The following PGBD5 variants were observed in gnomAD, a reference collection of about 807,000 sequenced individuals.
The protein encoded by PGBD5 is piggyBac transposable element-derived protein 5.
PGBD5 carries 14 observed loss-of-function variants against 47.9 expected under a neutral mutation model. That is an observed-to-expected ratio of 0.29 (90% CI 0.19 to 0.46). The LOEUF is 0.46. Among genes scored for constraint, PGBD5 ranks in the 20% least tolerant of loss-of-function variants. The pLI is 1.00. For missense variants in PGBD5, 635 were observed against 716.0 expected (o/e 0.89, Z 1.29); for synonymous variants, 316 against 306.3 (o/e 1.03, Z -0.33).
At chr1:230,332,034 C>CCACACCCACCAT (rs1667227198) in intron 5 of PGBD5, among the ~76,000 whole-genome samples, 1 of 147,560 alleles carries the variant, frequency 6.8e-6, no homozygotes, top group Admixed American at 6.8e-5. Flanking sequence ...ACCACACACA[C>CCACACCCACCAT]ACCACACACA....
At position 230,323,179 on chromosome 1, in the gene PGBD5, G is replaced by C. The variant is rs1667062509; in HGVS notation, c.*246C>G. The C allele has an allele frequency of 2.0e-6, 1 of 509,190 alleles. No homozygotes were observed. 31.5% of individuals were successfully genotyped at this position (509,190 alleles called of 1,614,324 possible). On this transcript the variant is annotated 3_prime_UTR_variant, in exon 7 of 7. Transcript: ENST00000391860. The surrounding 1 kb of genome is among the most constrained non-coding windows in gnomAD (Gnocchi z 4.1). Reference sequence around the variant, plus strand: ...TGAGAGAATCTGCCCTTGAGAACGTGGGTGTAAGTGCTCATCACACCGGCG... The same window carrying C: ...TGAGAGAATCTGCCCTTGAGAACGTCGGTGTAAGTGCTCATCACACCGGCG...
At chr1:230,417,039 T>A (rs1657532919) in intron 1 of PGBD5, among the ~76,000 whole-genome samples, 1 of 152,210 alleles carries the variant, frequency 6.6e-6, no homozygotes, top group Admixed American at 6.5e-5. Context: ...TGAAAGTAAC[T>A]TCTTAAATAT....
rs186064561 is a variant in PGBD5 at position 230,374,019 on chromosome 1, T to C, written c.332-16698A>G. Among the ~76,000 whole-genome samples the C allele has an allele frequency of 1.6e-3, 243 of 152,164 alleles. 1 individual carries two copies. The highest frequency in any genetic ancestry group is 5.6e-3 in the African/African-American group (232 of 41,500). ...TATAACAGCAAAACAGGGCAGTAAA[T>C]GAAATGCCCACAAATTGAGAATGAA... On this transcript the variant is annotated intron_variant, in intron 1 of 6. Transcript: ENST00000391860.
chr1:230,316,435 A>G lies in PGBD5; in HGVS notation c.*6990T>C, dbSNP rs1666951624. 1 of 152,120 alleles carries G rather than the reference A, an allele frequency of 6.6e-6. No homozygotes were observed. The highest frequency in any genetic ancestry group is 1.5e-5 in the Non-Finnish European group (1 of 68,024). 9.4% of individuals were successfully genotyped at this position (152,120 alleles called of 1,614,324 possible). A position where few individuals can be genotyped will look rare whatever the true frequency, so the allele number is the denominator to read the frequency against. On this transcript the variant is annotated 3_prime_UTR_variant, in exon 7 of 7. Coordinates refer to ENST00000391860, the MANE Select transcript of PGBD5 (RefSeq NM_001258311.2). ...TGTTCTGGGCCCATCTTTCCAATCT[A>G]TTGAAATAATAGGGACTGCATCCCC...
At position 230,315,645 on chromosome 1, in the gene PGBD5, C is replaced by G. The variant is rs1016080241; in HGVS notation, c.*7780G>C. Reference sequence around the variant, plus strand: ...TGCTAAGGACCTAGCAGAGGCTCATCATGTGGTAGACTCTGTATTTTATCG... The same window carrying G: ...TGCTAAGGACCTAGCAGAGGCTCATGATGTGGTAGACTCTGTATTTTATCG... On this transcript the variant is annotated 3_prime_UTR_variant, in exon 7 of 7. Transcript: ENST00000391860. 5 of 151,698 alleles carry G rather than the reference C, an allele frequency of 3.3e-5. No homozygotes were observed. Among genetic ancestry groups the G allele is most frequent in the African/African-American group, 7.3e-5 (3 of 41,278 alleles). 9.4% of individuals were successfully genotyped at this position (151,698 alleles called of 1,614,324 possible). A position where few individuals can be genotyped will look rare whatever the true frequency, so the allele number is the denominator to read the frequency against.
Position 230,354,785 on chromosome 1 carries a change from C to T in PGBD5, c.759+2109G>A, listed in dbSNP as rs548307251. 5.9e-5 allele frequency among the ~76,000 whole-genome samples: 9 copies of T among 152,332 alleles called. No homozygotes were observed. In the South Asian group the frequency reaches 1.9e-3, roughly 32 times the overall value. ...TCTTCGGCTGCCCTGCTAGATGGAG[C>T]TCAGCATCTGTGTCCTGCTGGGATC... On this transcript the variant is annotated intron_variant, in intron 2 of 6. Transcript: ENST00000391860.
intron 1 of PGBD5, among the ~76,000 whole-genome samples, chr1:230,394,175 G>A (rs1186973638): frequency 6.6e-6 from 1 of 151,936 alleles, no homozygotes; most frequent in Non-Finnish European, 1.5e-5. Flanking sequence ...ACAGGGCCAG[G>A]GAGGGTGCTC....
intron 3 of PGBD5, among the ~76,000 whole-genome samples, chr1:230,348,687 A>G (rs1667511810): frequency 6.6e-6 from 1 of 152,254 alleles, no homozygotes; most frequent in African/African-American, 2.4e-5. Flanking sequence ...TCCCCGGGTC[A>G]TGTGGCTCCT....
rs893910899 is a variant in PGBD5 at position 230,321,598 on chromosome 1, C to G, written c.*1827G>C. Reference sequence around the variant, plus strand: ...GGATTACAGGCATGAGCCACCGCACCCCGCCTGTTCCCTGACCTTTTAAAC... The same window carrying G: ...GGATTACAGGCATGAGCCACCGCACGCCGCCTGTTCCCTGACCTTTTAAAC... On this transcript the variant is annotated 3_prime_UTR_variant, in exon 7 of 7. Transcript: ENST00000391860. 6.6e-6 allele frequency: 1 copy of G among 152,300 alleles called. No homozygotes were observed. The highest frequency in any genetic ancestry group is 2.4e-5 in the African/African-American group (1 of 41,460). 9.4% of individuals were successfully genotyped at this position (152,300 alleles called of 1,614,324 possible).
At position 230,317,761 on chromosome 1, in the gene PGBD5, C is replaced by T. The variant is rs969209746; in HGVS notation, c.*5664G>A. ...GTCTTCCTAGGTCTTTCACACAAGCCGATGTCCTCCCCGCCCTTTCTGTTT... is the reference window on the plus strand; with the variant it reads ...GTCTTCCTAGGTCTTTCACACAAGCTGATGTCCTCCCCGCCCTTTCTGTTT... On this transcript the variant is annotated 3_prime_UTR_variant, in exon 7 of 7. Coordinates refer to ENST00000391860, the MANE Select transcript of PGBD5 (RefSeq NM_001258311.2). 7.2e-5 allele frequency: 11 copies of T among 152,180 alleles called. No individual in the cohort carries two copies. Among genetic ancestry groups the T allele is most frequent in the African/African-American group, 1.9e-4 (8 of 41,426 alleles). 9.4% of individuals were successfully genotyped at this position (152,180 alleles called of 1,614,324 possible). A position where few individuals can be genotyped will look rare whatever the true frequency, so the allele number is the denominator to read the frequency against.
intron 3 of PGBD5, among the ~76,000 whole-genome samples, chr1:230,344,522 G>A (rs1484774804): frequency 1.3e-5 from 2 of 152,196 alleles, no homozygotes; most frequent in Admixed American, 6.5e-5. Flanking sequence ...CTCTGTAAGT[G>A]TTCGTCATTC....
intron 1 of PGBD5, among the ~76,000 whole-genome samples, chr1:230,370,442 GTGTATT>G (rs1285692680): frequency 2.0e-5 from 3 of 152,228 alleles, no homozygotes; most frequent in Admixed American, 1.3e-4. Flanking sequence ...AGCAAATCAT[GTGTATT>G]TATTTTGTAG....
chr1:230,406,925 G>A (rs758758857), intron 1 of PGBD5, among the ~76,000 whole-genome samples: 2 of 152,100 alleles, frequency 1.3e-5, no homozygotes, highest in Non-Finnish European at 1.5e-5. Context: ...AACCTCCACC[G>A]CCCACGTTCA....
chr1:230,392,504 C>T (rs958400708), intron 1 of PGBD5, among the ~76,000 whole-genome samples: 3 of 152,166 alleles, frequency 2.0e-5, no homozygotes, highest in African/African-American at 4.8e-5. Context: ...ATAAAGCACC[C>T]GAGCTTTGTT....
At chr1:230,422,519 G>A (rs1462669602) in intron 1 of PGBD5, among the ~76,000 whole-genome samples, 6 of 152,166 alleles carry the variant, frequency 3.9e-5, no homozygotes, top group African/African-American at 1.4e-4. Flanking sequence ...CAGCTCCCAG[G>A]CAGATCATGC....
rs1009220959 is a variant in PGBD5 at position 230,425,048 on chromosome 1, G to A, written c.331+550C>T. The stretch of plus-strand genomic sequence containing the variant: ...CTTAACAAGAGATCTGGAATGGCGC[G>A]GACAGGGAAAGTTTCTCAGATTAAG... On this transcript the variant is annotated intron_variant, in intron 1 of 6. Transcript: ENST00000391860. This position sits in a 1 kb window ranked among gnomAD's most constrained non-coding sequence, Gnocchi z 4.7. Among the ~76,000 whole-genome samples, 4 of 152,112 alleles carry A rather than the reference G, an allele frequency of 2.6e-5. No individual in the cohort carries two copies. Among genetic ancestry groups the A allele is most frequent in the Admixed American group, 2.6e-4 (4 of 15,276 alleles).
intron 1 of PGBD5, among the ~76,000 whole-genome samples, chr1:230,380,079 T>C (rs17765720): frequency 0.03 from 4,553 of 152,322 alleles, 99 homozygotes; most frequent in South Asian, 0.066. Context: ...GCTATTTACA[T>C]TTGCAGACCC....
rs1657446182 is a variant in PGBD5, at chr1:230,413,051, CTCA to C, written c.331+12544_331+12546del. ...TAATGTAAGAAAACCAGTATTTTTTCTCATCAACATTATAACAAAAAGACATTA... is the reference window on the plus strand; with the variant it reads ...TAATGTAAGAAAACCAGTATTTTTTCTCAACATTATAACAAAAAGACATTA... On this transcript the variant is annotated intron_variant, in intron 1 of 6. Coordinates refer to ENST00000391860, the MANE Select transcript of PGBD5 (RefSeq NM_001258311.2). 3.9e-5 allele frequency among the ~76,000 whole-genome samples: 6 copies of C among 152,052 alleles called. No individual in the cohort carries two copies. The South Asian group carries it at 1.2e-3, about 32-fold the overall frequency.
chr1:230,358,970 G>T (rs931047111), intron 1 of PGBD5, among the ~76,000 whole-genome samples: 1 of 152,148 alleles, frequency 6.6e-6, no homozygotes, highest in Non-Finnish European at 1.5e-5. Flanking sequence ...AAGAGCTATG[G>T]CTTACAATTC....
Sources: allele counts gnomAD v4.1 joint callset (sites outside exome capture counted in the v4.1 genomes callset), GRCh38; gene constraint gnomAD v4.1.1; non-coding constraint Gnocchi (gnomAD v3.1); transcripts MANE v1.5; gene names NCBI Gene and HGNC (gene_info 2026-07-23, HGNC 2026-07-21).